ZFHX3: variants seen among roughly 807,000 people sequenced by gnomAD.
The protein encoded by ZFHX3 is zinc finger homeobox protein 3.
ZFHX3 carries 42 observed loss-of-function variants against 279.1 expected under a neutral mutation model. That is an observed-to-expected ratio of 0.15 (90% confidence interval 0.12 to 0.19). The LOEUF (loss-of-function observed/expected upper bound fraction) is 0.19, where lower values mean the gene tolerates loss of function less well. Ranked by LOEUF, ZFHX3 falls within the 10% of genes least tolerant of loss-of-function variation. The pLI, the probability that ZFHX3 is intolerant of heterozygous loss-of-function variation, is 1.00. For synonymous variants in ZFHX3, 2,293 were observed against 1,957.8 expected (o/e 1.17, Z -4.52); for missense variants, 4,981 against 4,754.0 (o/e 1.05, Z -1.40).
intron 1 of ZFHX3, 39 bp from the exon 2 acceptor site, chr16:72,960,233 G>A (rs954211475): frequency 4.8e-6 from 7 of 1,453,102 alleles, no homozygotes; most frequent in Admixed American, 2.3e-5. Flanking sequence ...GGAGAGAGGG[G>A]AAAGAGAGAG....
intron 4 of ZFHX3, among the ~76,000 whole-genome samples, chr16:72,855,643 C>G (rs1445956076): frequency 6.6e-6 from 1 of 152,154 alleles, no homozygotes; most frequent in Non-Finnish European, 1.5e-5. Context: ...AGAAACCTTC[C>G]CCTTTAAAAA....
chr16:73,011,227 G>A (rs1302373956), intron 1 of ZFHX3, among the ~76,000 whole-genome samples: 1 of 151,680 alleles, frequency 6.6e-6, no homozygotes, highest in East Asian at 1.9e-4. Flanking sequence ...AGGTCGATCC[G>A]CCTGCCTCAG....
chr16:72,953,998 C>A (rs879270584), intron 2 of ZFHX3, among the ~76,000 whole-genome samples: 4 of 152,334 alleles, frequency 2.6e-5, no homozygotes, highest in Admixed American at 1.3e-4. Flanking sequence ...GGCTTAGAAT[C>A]CTACAAATCC....
intron 3 of ZFHX3, among the ~76,000 whole-genome samples, chr16:72,923,068 T>C (rs944250012): frequency 6.6e-6 from 1 of 152,064 alleles, no homozygotes; most frequent in African/African-American, 2.4e-5. Context: ...TGTATATTTT[T>C]AGGTATATGT....
intron 8 of ZFHX3, among the ~76,000 whole-genome samples, chr16:73,078,966 T>C (rs1597149569): frequency 6.6e-6 from 1 of 152,076 alleles, no homozygotes; most frequent in African/African-American, 2.4e-5. Context: ...AAAACCAAGA[T>C]TGGAATGAAC....
At chr16:72,894,794 C>G (rs1345224665) in intron 3 of ZFHX3, among the ~76,000 whole-genome samples, 1 of 152,196 alleles carries the variant, frequency 6.6e-6, no homozygotes, top group Non-Finnish European at 1.5e-5. Context: ...GCTCTCCTCG[C>G]CAGGCAGGAA....
intron 1 of ZFHX3, among the ~76,000 whole-genome samples, chr16:73,795,255 C>T (rs1567413116): frequency 1.3e-5 from 2 of 152,324 alleles, no homozygotes; most frequent in South Asian, 4.1e-4. Context: ...AAGACTATTC[C>T]CATGACTTTG....
At chr16:73,151,520 C>T (rs984727116) in intron 5 of ZFHX3, among the ~76,000 whole-genome samples, 2 of 152,068 alleles carry the variant, frequency 1.3e-5, no homozygotes, top group Admixed American at 1.3e-4. Flanking sequence ...CAGAGGCTGC[C>T]TCCTGCTCGG....
intron 3 of ZFHX3, among the ~76,000 whole-genome samples, chr16:73,375,378 C>T (rs183973213): frequency 7.9e-5 from 12 of 152,184 alleles, no homozygotes; most frequent in African/African-American, 2.6e-4. Context: ...AGATTTGAAA[C>T]TAGCCATTTC....
chr16:72,868,448 C>A (rs2038077191), intron 4 of ZFHX3, among the ~76,000 whole-genome samples: 1 of 152,218 alleles, frequency 6.6e-6, no homozygotes, highest in Non-Finnish European at 1.5e-5. Flanking sequence ...TGGCATCCTG[C>A]ACCTTACATA....
intron 1 of ZFHX3, among the ~76,000 whole-genome samples, chr16:73,716,633 ACACACACACACACACAC>A (rs2053417323): frequency 7.0e-6 from 1 of 143,422 alleles, no homozygotes; most frequent in Non-Finnish European, 1.6e-5. Flanking sequence ...ACACACACAC[ACACACACACACACACAC>A]GCATGCACGC....
At chr16:73,536,027 C>A (rs1453801132) in intron 2 of ZFHX3, among the ~76,000 whole-genome samples, 1 of 152,004 alleles carries the variant, frequency 6.6e-6, no homozygotes, top group Non-Finnish European at 1.5e-5. Flanking sequence ...CGGCCAAGCC[C>A]CCCATCTTTA....
At chr16:73,240,463 C>G (rs1163103184) in intron 5 of ZFHX3, among the ~76,000 whole-genome samples, 1 of 152,142 alleles carries the variant, frequency 6.6e-6, no homozygotes, top group Non-Finnish European at 1.5e-5. Context: ...AAGTGATCTG[C>G]CCACCTCGGC....
intron 4 of ZFHX3, among the ~76,000 whole-genome samples, chr16:72,841,485 C>A (rs1255097222): frequency 6.6e-6 from 1 of 152,166 alleles, no homozygotes; most frequent in Admixed American, 6.5e-5. Flanking sequence ...ATATTGGATC[C>A]TCCTCCTCTT....
At position 72,785,081 on chromosome 16, in the gene ZFHX3, A is replaced by AGGGAAGAAGGATTTCACACTTTG; in HGVS notation, c.*2060_*2082dup. On this transcript the variant is annotated 3_prime_UTR_variant, in exon 10 of 10. Transcript: ENST00000268489. ...TTTTGAAACATAAGGAAGAAAACGA[A>AGGGAAGAAGGATTTCACACTTTG]GGGAAGAAGGATTTCACACTTTGGG... is the stretch of plus-strand genomic sequence containing the variant. 6.6e-6 allele frequency: 1 copy of AGGGAAGAAGGATTTCACACTTTG among 152,650 alleles called. No individual in the cohort carries two copies. The highest frequency in any genetic ancestry group is 1.5e-5 in the Non-Finnish European group (1 of 68,050). The allele number at this position is 152,650 out of a possible 1,614,324, so 9.5% of individuals were successfully genotyped here. A position where few individuals can be genotyped will look rare whatever the true frequency, so the allele number is the denominator to read the frequency against.
intron 3 of ZFHX3, among the ~76,000 whole-genome samples, chr16:73,451,271 C>A (rs1475630001): frequency 3.3e-5 from 5 of 152,168 alleles, no homozygotes; most frequent in Non-Finnish European, 7.3e-5. Context: ...AGTGGAAGGA[C>A]ACAGGCCAGA....
chr16:73,588,248 C>A (rs1024283857), intron 2 of ZFHX3, among the ~76,000 whole-genome samples: 1 of 151,994 alleles, frequency 6.6e-6, no homozygotes, highest in Non-Finnish European at 1.5e-5. Context: ...TTAAAGAATG[C>A]AGATAAAGAA....
chr16:73,546,703 GC>G (rs1296972812), intron 2 of ZFHX3, among the ~76,000 whole-genome samples: 4 of 117,212 alleles, frequency 3.4e-5, no homozygotes, highest in Admixed American at 2.8e-4. Context: ...TGCTGCTGCT[GC>G]TGCTGCTGCT....
intron 2 of ZFHX3, among the ~76,000 whole-genome samples, chr16:73,574,350 C>T (rs1278369546): frequency 6.6e-6 from 1 of 152,066 alleles, no homozygotes; most frequent in Admixed American, 6.6e-5. Flanking sequence ...CTTGGGCCCC[C>T]CCCAGCATCC....
Sources: allele counts gnomAD v4.1 joint callset (sites outside exome capture counted in the v4.1 genomes callset), GRCh38; gene constraint gnomAD v4.1.1; transcripts MANE v1.5; gene names NCBI Gene and HGNC (gene_info 2026-07-23, HGNC 2026-07-21).